Variants in APBB2 observed in about 807,000 individuals in gnomAD.
APBB2 encodes amyloid beta precursor protein binding family B member 2, also known as Fe65-like 1.
In APBB2, 38 loss-of-function variants were observed where a neutral mutation model predicts 82.5. The observed-to-expected ratio is 0.46, with a 90% CI of 0.36 to 0.60. The LOEUF is 0.60. Among genes scored for constraint, APBB2 ranks in the 20% least tolerant of loss-of-function variants. The pLI, the probability that APBB2 is intolerant of heterozygous loss-of-function variation, is 0.00. For missense variants in APBB2, 772 were observed against 972.3 expected (o/e 0.79, Z 2.74); for synonymous variants, 341 against 368.2 (o/e 0.93, Z 0.85).
intron 3 of APBB2, among the ~76,000 whole-genome samples, chr4:41,080,099 T>C (rs1737057074): frequency 6.6e-6 from 1 of 152,142 alleles, no homozygotes; most frequent in Non-Finnish European, 1.5e-5. Flanking sequence ...ACGAGGCAGT[T>C]TGAAAACCAG....
intron 6 of APBB2, among the ~76,000 whole-genome samples, chr4:40,969,403 A>G (rs1795418198): frequency 1.3e-5 from 2 of 152,248 alleles, no homozygotes; most frequent in Admixed American, 1.3e-4. Flanking sequence ...AGAATTTATT[A>G]TACAGGCAAC....
chr4:41,198,681 G>C, intron 1 of APBB2, among the ~76,000 whole-genome samples: 29,622 of 152,034 alleles, frequency 0.19, 3,851 homozygotes, highest in African/African-American at 0.37. Context: ...GCTATAAACT[G>C]GGTGGCTTAA....
chr4:41,211,155 T>A (rs1299686975), intron 1 of APBB2, among the ~76,000 whole-genome samples: 1 of 151,972 alleles, frequency 6.6e-6, no homozygotes, highest in Non-Finnish European at 1.5e-5. Flanking sequence ...CTCAGGAGGC[T>A]GAGGCAGGAG....
At chr4:40,950,570 G>T (rs903667691) in intron 6 of APBB2, among the ~76,000 whole-genome samples, 1 of 152,048 alleles carries the variant, frequency 6.6e-6, no homozygotes, top group Non-Finnish European at 1.5e-5. Context: ...AAAATTGGCC[G>T]GGTGTGGGGG....
intron 1 of APBB2, among the ~76,000 whole-genome samples, chr4:41,166,925 CT>C (rs1766821774): frequency 6.6e-6 from 1 of 152,128 alleles, no homozygotes; most frequent in African/African-American, 2.4e-5. Flanking sequence ...AGACCTTGCT[CT>C]TGTTAACTGG....
intron 1 of APBB2, among the ~76,000 whole-genome samples, chr4:41,210,580 T>C (rs1392854618): frequency 6.6e-6 from 1 of 152,250 alleles, no homozygotes; most frequent in Non-Finnish European, 1.5e-5. Flanking sequence ...TCAAAATGGC[T>C]AATCTGGGTT....
At chr4:40,986,213 A>G (rs921368756) in intron 6 of APBB2, among the ~76,000 whole-genome samples, 2 of 152,256 alleles carry the variant, frequency 1.3e-5, no homozygotes, top group Non-Finnish European at 2.9e-5. Context: ...AAAAATTCCA[A>G]AACAATCCAG....
At chr4:41,037,782 G>A (rs1259492078) in intron 4 of APBB2, among the ~76,000 whole-genome samples, 1 of 152,142 alleles carries the variant, frequency 6.6e-6, no homozygotes, top group African/African-American at 2.4e-5. Context: ...CACTTTGGGT[G>A]GCTGAGGCGG....
rs1454267402 is a variant in APBB2 at position 40,832,403 on chromosome 4, C to T, written c.1530-1826G>A. Among the ~76,000 whole-genome samples the T allele has an allele frequency of 5.9e-5, 9 of 152,148 alleles. No individual in the cohort carries two copies. The highest frequency in any genetic ancestry group is 4.1e-4 in the South Asian group (2 of 4,832). ...AGCACCTCACCTGGCTGCCCCATGA[C>T]GCTTTAATCACCGGCAATCCACACA... is the stretch of plus-strand genomic sequence containing the variant. On this transcript the variant is annotated intron_variant, in intron 12 of 17. Coordinates refer to ENST00000508593, the MANE Select transcript of APBB2 (RefSeq NM_004307.2). The surrounding 1 kb of genome is among the most constrained non-coding windows in gnomAD (Gnocchi z 4.8).
chr4:41,166,397 C>T (rs1225844561), intron 1 of APBB2, among the ~76,000 whole-genome samples: 1 of 151,370 alleles, frequency 6.6e-6, no homozygotes, highest in East Asian at 2.0e-4. Flanking sequence ...GGCAAAATAA[C>T]GAGACCTCAT....
chr4:40,879,315 A>G (rs1767759015), intron 12 of APBB2, among the ~76,000 whole-genome samples: 1 of 152,078 alleles, frequency 6.6e-6, no homozygotes, highest in Admixed American at 6.6e-5. Context: ...GCTCAAGGCT[A>G]GCTGAAAATT....
intron 2 of APBB2, among the ~76,000 whole-genome samples, chr4:41,139,118 C>T (rs2154018214): frequency 6.6e-6 from 1 of 152,236 alleles, no homozygotes; most frequent in African/African-American, 2.4e-5. Flanking sequence ...GTTCACGTAT[C>T]AGAGCTCTTA....
chr4:41,203,536 C>G (rs59073046), intron 1 of APBB2, among the ~76,000 whole-genome samples: 14,083 of 152,136 alleles, frequency 0.093, 893 homozygotes, highest in African/African-American at 0.18. Context: ...CCCCTGAATT[C>G]TGGAACATGG....
intron 6 of APBB2, among the ~76,000 whole-genome samples, chr4:40,945,934 A>C (rs551769104): frequency 6.6e-6 from 1 of 152,328 alleles, no homozygotes; most frequent in African/African-American, 2.4e-5. Context: ...AATTGCACGC[A>C]AAAGATTCCC....
chr4:40,887,151 TG>T (rs1184712916), intron 12 of APBB2, among the ~76,000 whole-genome samples: 21 of 152,274 alleles, frequency 1.4e-4, no homozygotes, highest in African/African-American at 5.1e-4. Context: ...GGGGGCTCAG[TG>T]GGGGTGTCAT....
intron 6 of APBB2, among the ~76,000 whole-genome samples, chr4:40,946,232 CAA>C (rs55995119): frequency 0.096 from 7,512 of 78,324 alleles, 259 homozygotes; most frequent in Middle Eastern, 0.2. Flanking sequence ...ACTCTATCTC[CAA>C]AAAAAAAAAA....
At chr4:41,102,563 T>C (rs568699439) in intron 2 of APBB2, among the ~76,000 whole-genome samples, 14 of 152,338 alleles carry the variant, frequency 9.2e-5, no homozygotes, top group Non-Finnish European at 2.1e-4. Flanking sequence ...AAGGCTGCAC[T>C]TGGGCCAAAA....
At chr4:41,212,851 C>A (rs927202593) in intron 1 of APBB2, among the ~76,000 whole-genome samples, 30 of 152,302 alleles carry the variant, frequency 2.0e-4, no homozygotes, top group African/African-American at 7.0e-4. Context: ...CCACAAATAC[C>A]ATCCTTCACG....
intron 6 of APBB2, among the ~76,000 whole-genome samples, chr4:40,995,281 C>T (rs533328312): frequency 6.6e-6 from 1 of 152,258 alleles, no homozygotes; most frequent in African/African-American, 2.4e-5. Context: ...AGTGGTAATT[C>T]TCATAACAAA....
Sources: allele counts gnomAD v4.1 joint callset (sites outside exome capture counted in the v4.1 genomes callset), GRCh38; gene constraint gnomAD v4.1.1; non-coding constraint Gnocchi (gnomAD v3.1); transcripts MANE v1.5; gene names NCBI Gene and HGNC (gene_info 2026-07-23, HGNC 2026-07-21).